The following PTPRZ1 variants were observed in gnomAD, a reference collection of about 807,000 sequenced individuals.
The protein encoded by PTPRZ1 is protein tyrosine phosphatase receptor type Z1, also known as receptor-type tyrosine-protein phosphatase zeta.
A neutral mutation model predicts 214.1 loss-of-function variants in PTPRZ1; 82 were observed. The observed-to-expected ratio is 0.38, with a 90% CI of 0.32 to 0.46. The LOEUF is 0.46. Among genes scored for constraint, PTPRZ1 ranks in the 20% least tolerant of loss-of-function variants. The pLI is 1.00. For missense variants in PTPRZ1, 2,603 were observed against 2,748.7 expected, an observed-to-expected ratio of 0.95 and a Z score of 1.19; for synonymous variants, 945 against 987.9, an observed-to-expected ratio of 0.96 and a Z score of 0.81.
chr7:121,968,153 G>T (rs749104026), intron 3 of PTPRZ1, 23 bp downstream of exon 3: 4 of 1,566,450 alleles, frequency 2.6e-6, no homozygotes, highest in Non-Finnish European at 3.5e-6. Flanking sequence ...CATTCTGTTT[G>T]CCTTTAATAT....
At chr7:122,010,205 C>T (rs1798603872) in intron 11 of PTPRZ1, 129 bp from the exon 12 acceptor site, 1 of 861,428 alleles carries the variant, frequency 1.2e-6, no homozygotes, top group Non-Finnish European at 1.8e-6. Context: ...ATGCATTGTA[C>T]AGAATGGTGT....
intron 1 of PTPRZ1, among the ~76,000 whole-genome samples, chr7:121,892,509 ATT>A: frequency 6.6e-6 from 1 of 151,842 alleles, no homozygotes; most frequent in Middle Eastern, 3.4e-3. Flanking sequence ...CCATAAGAGT[ATT>A]TTAATTTTCT....
In PTPRZ1 at chr7:122,013,850, A is replaced by G; in HGVS notation, c.4804A>G (p.Thr1602Ala). 1 of 1,613,216 alleles carries G rather than the reference A, an allele frequency of 6.2e-7. No individual in the cohort carries two copies. The highest frequency in any genetic ancestry group is 1.1e-5 in the South Asian group (1 of 90,954). ...GFPQSPTSSVTSENSEVFHVS... is the reference protein window; with the variant it reads ...GFPQSPTSSVASENSEVFHVS... Reference sequence around the variant, plus strand: ...CCCACAGTCCCCAACATCATCTGTTACTAGCGAGAACTCAGAAGTGTTCCA... The same window carrying G: ...CCCACAGTCCCCAACATCATCTGTTGCTAGCGAGAACTCAGAAGTGTTCCA... The change falls in exon 12 of 30, where the codon ACT becomes GCT. Residue 1602 changes from threonine to alanine, a missense_variant. This residue lies in a region of PTPRZ1 where 1,913 missense variants were observed against 1,914.3 expected (regional missense o/e 1.00). Coordinates refer to ENST00000393386, the MANE Select transcript of PTPRZ1 (RefSeq NM_002851.3).
At chr7:122,041,998 T>C (rs2150479856) in intron 21 of PTPRZ1, among the ~76,000 whole-genome samples, 1 of 152,306 alleles carries the variant, frequency 6.6e-6, no homozygotes, top group South Asian at 2.1e-4. Context: ...GTCGGAACAT[T>C]TGAAAAGAAT....
intron 2 of PTPRZ1, among the ~76,000 whole-genome samples, chr7:121,964,742 G>A (rs1042697440): frequency 2.6e-5 from 4 of 152,178 alleles, no homozygotes; most frequent in Non-Finnish European, 5.9e-5. Flanking sequence ...GTGGTTCAGC[G>A]AAAGTCTCTC....
At chr7:121,893,656 G>A (rs1018741941) in intron 1 of PTPRZ1, among the ~76,000 whole-genome samples, 2 of 152,136 alleles carry the variant, frequency 1.3e-5, no homozygotes, top group African/African-American at 4.8e-5. Context: ...AGAAAAAGGG[G>A]GAAATGGTTA....
chr7:122,026,318 A>G (rs1043795636), intron 13 of PTPRZ1, among the ~76,000 whole-genome samples: 9 of 152,300 alleles, frequency 5.9e-5, no homozygotes, highest in Non-Finnish European at 1.2e-4. Context: ...TACAACGTTA[A>G]GATTCGTTGA....
intron 9 of PTPRZ1, among the ~76,000 whole-genome samples, chr7:121,997,441 T>G (rs569988830): frequency 6.6e-6 from 1 of 152,166 alleles, no homozygotes; most frequent in Non-Finnish European, 1.5e-5. Flanking sequence ...AAAATGTTTA[T>G]TTCATAATTA....
intron 27 of PTPRZ1, 88 bp downstream of exon 27, chr7:122,055,175 G>A (rs934268102): frequency 2.5e-5 from 28 of 1,115,570 alleles, no homozygotes; most frequent in Middle Eastern, 2.9e-4. Context: ...GAAATGAAAA[G>A]CATGATTCTG....
intron 1 of PTPRZ1, among the ~76,000 whole-genome samples, chr7:121,897,572 C>G (rs1794825510): frequency 6.6e-6 from 1 of 152,202 alleles, no homozygotes; most frequent in African/African-American, 2.4e-5. Flanking sequence ...TCTGCACTCT[C>G]TGTCACTGCC....
At chr7:121,898,390 G>A (rs534560335) in intron 1 of PTPRZ1, among the ~76,000 whole-genome samples, 1 of 152,106 alleles carries the variant, frequency 6.6e-6, no homozygotes, top group African/African-American at 2.4e-5. Flanking sequence ...TCCAGAAAGC[G>A]GCTCTGCTGT....
intron 2 of PTPRZ1, among the ~76,000 whole-genome samples, chr7:121,953,729 C>T (rs1470046231): frequency 6.6e-6 from 1 of 152,174 alleles, no homozygotes; most frequent in East Asian, 1.9e-4. Context: ...TTTTGCTACT[C>T]ATTGGTTGTC....
intron 1 of PTPRZ1, among the ~76,000 whole-genome samples, chr7:121,898,158 G>A (rs566363993): frequency 5.3e-5 from 8 of 151,850 alleles, no homozygotes; most frequent in African/African-American, 1.9e-4. Context: ...AACCATGTAA[G>A]TACTTAGAGA....
intron 1 of PTPRZ1, among the ~76,000 whole-genome samples, chr7:121,908,082 G>T (rs1286209543): frequency 6.6e-6 from 1 of 152,084 alleles, no homozygotes; most frequent in Non-Finnish European, 1.5e-5. Context: ...CTAACCAAAT[G>T]TGTCAAGTGT....
intron 2 of PTPRZ1, among the ~76,000 whole-genome samples, chr7:121,937,162 G>T (rs182364759): frequency 1.3e-5 from 2 of 152,118 alleles, no homozygotes; most frequent in Non-Finnish European, 2.9e-5. Context: ...TTGCATAATT[G>T]TGCAATTGCA....
At chr7:121,935,544 T>TTTTGTTTGTTTG (rs200251497) in intron 2 of PTPRZ1, among the ~76,000 whole-genome samples, 4 of 131,090 alleles carry the variant, frequency 3.1e-5, no homozygotes, top group Non-Finnish European at 5.1e-5. Flanking sequence ...TTGGGGTTTT[T>TTTTGTTTGTTTG]TTTGTTTGTT....
intron 23 of PTPRZ1, among the ~76,000 whole-genome samples, chr7:122,050,091 G>T (rs1562882554): frequency 6.6e-6 from 1 of 152,170 alleles, no homozygotes; most frequent in East Asian, 1.9e-4. Flanking sequence ...ATTCAAGATG[G>T]ATTAACTACC....
At chr7:122,010,144 C>G (rs573547642) in intron 11 of PTPRZ1, among the ~76,000 whole-genome samples, 190 bp from the exon 12 acceptor site, 7 of 152,058 alleles carry the variant, frequency 4.6e-5, no homozygotes, top group Non-Finnish European at 7.4e-5. Flanking sequence ...GTTTTCATTA[C>G]GTTTAATTAC....
chr7:121,974,521 C>G (rs905946228), intron 4 of PTPRZ1, among the ~76,000 whole-genome samples: 1 of 151,994 alleles, frequency 6.6e-6, no homozygotes, highest in Non-Finnish European at 1.5e-5. Context: ...AGAGTCTCGC[C>G]CTGTCGCCCA....
Sources: allele counts gnomAD v4.1 joint callset (sites outside exome capture counted in the v4.1 genomes callset), GRCh38; gene constraint gnomAD v4.1.1; regional missense constraint gnomAD v4.1.1; transcripts MANE v1.5; gene names NCBI Gene and HGNC (gene_info 2026-07-23, HGNC 2026-07-21).